FLRT1: variants seen among roughly 807,000 people sequenced by gnomAD.
FLRT1 encodes leucine-rich repeat transmembrane protein FLRT1.
In FLRT1, 14 loss-of-function variants were observed where a neutral mutation model predicts 30.9. The observed-to-expected ratio is 0.45, with a 90% CI of 0.30 to 0.71. FLRT1 has a LOEUF of 0.71. Among genes scored for constraint, FLRT1 ranks in the 30% least tolerant of loss-of-function variants. FLRT1 has a pLI of 0.08. For missense variants in FLRT1, 737 were observed against 949.2 expected, an observed-to-expected ratio of 0.78 and a Z score of 2.94; for synonymous variants, 368 against 430.4, an observed-to-expected ratio of 0.85 and a Z score of 1.80.
intron 1 of FLRT1, among the ~76,000 whole-genome samples, chr11:64,075,609 T>C (rs904118447): frequency 2.0e-5 from 3 of 152,194 alleles, no homozygotes; most frequent in African/African-American, 2.4e-5. Context: ...CATCCTGATA[T>C]GGAGTGACAA....
intron 1 of FLRT1, among the ~76,000 whole-genome samples, chr11:64,097,223 G>A (rs981663969): frequency 3.3e-5 from 5 of 152,230 alleles, no homozygotes; most frequent in African/African-American, 1.2e-4. Context: ...AAAGTACAGG[G>A]AGGGACTGCT....
chr11:64,059,192 C>T, intron 1 of FLRT1, among the ~76,000 whole-genome samples: 1 of 152,150 alleles, frequency 6.6e-6, no homozygotes, highest in East Asian at 1.9e-4. Context: ...GTAGGAGGGG[C>T]AGCCTGTCTA....
intron 1 of FLRT1, among the ~76,000 whole-genome samples, chr11:64,069,939 G>A (rs1481466903): frequency 6.6e-6 from 1 of 152,068 alleles, no homozygotes; most frequent in Non-Finnish European, 1.5e-5. Context: ...CCCTGAGCCC[G>A]ACTCGCGCCC....
intron 1 of FLRT1, among the ~76,000 whole-genome samples, chr11:64,075,904 C>T (rs1590873197): frequency 6.6e-6 from 1 of 152,234 alleles, no homozygotes; most frequent in African/African-American, 2.4e-5. Flanking sequence ...AAACTCCTGA[C>T]CTCAAGTGAT....
chr11:64,069,277 G>A (rs2096734), intron 1 of FLRT1, among the ~76,000 whole-genome samples: 4,073 of 152,326 alleles, frequency 0.027, 129 homozygotes, highest in Admixed American at 0.082. Context: ...GCTCTGAACC[G>A]CAGGGGAAGG....
chr11:64,111,919 C>T (rs1944870211), intron 2 of FLRT1, among the ~76,000 whole-genome samples: 1 of 152,146 alleles, frequency 6.6e-6, no homozygotes, highest in Non-Finnish European at 1.5e-5. Context: ...TCTGAGAATG[C>T]TCAGCCTGGG....
intron 2 of FLRT1, among the ~76,000 whole-genome samples, chr11:64,113,125 A>G (rs901930969): frequency 6.6e-6 from 1 of 152,214 alleles, no homozygotes; most frequent in African/African-American, 2.4e-5. Flanking sequence ...CTGGTTCTCA[A>G]GTAGTCTTGA....
chr11:64,113,387 C>G (rs1306730011), intron 2 of FLRT1, among the ~76,000 whole-genome samples: 4 of 148,382 alleles, frequency 2.7e-5, no homozygotes, highest in Admixed American at 1.3e-4. Context: ...GATGGATGGA[C>G]AGGTGCATGT....
At chr11:64,111,495 G>A (rs1003235727) in intron 2 of FLRT1, among the ~76,000 whole-genome samples, 1 of 152,232 alleles carries the variant, frequency 6.6e-6, no homozygotes, top group Non-Finnish European at 1.5e-5. Context: ...ACCTTCACGA[G>A]CCTGGCTCAG....
At chr11:64,101,561 C>A (rs868216676) in intron 1 of FLRT1, among the ~76,000 whole-genome samples, 2 of 152,156 alleles carry the variant, frequency 1.3e-5, no homozygotes, top group African/African-American at 2.4e-5. Flanking sequence ...ACAATTTCTG[C>A]GCCCCGGCCA....
intron 1 of FLRT1, among the ~76,000 whole-genome samples, chr11:64,088,496 C>T (rs1385942943): frequency 6.6e-6 from 1 of 152,164 alleles, no homozygotes; most frequent in Non-Finnish European, 1.5e-5. Flanking sequence ...GCCTAGCCTC[C>T]CCTTCCTCAC....
At position 64,064,975 on chromosome 11, in the gene FLRT1, A is replaced by G. The variant is rs1028427256; in HGVS notation, c.-1038+28816A>G. On this transcript the variant is annotated intron_variant, in intron 1 of 2. Coordinates refer to ENST00000682287, the MANE Select transcript of FLRT1 (RefSeq NM_013280.5). This position sits in a 1 kb window ranked among gnomAD's most constrained non-coding sequence, Gnocchi z 4.5. ...AGACAGACTCAGGGTCTTTCCCTAC[A>G]CTCCAGAGCACAGGCTAGTTGGAAC... Among the ~76,000 whole-genome samples, 3 of 152,064 alleles carry G rather than the reference A, an allele frequency of 2.0e-5. No individual in the cohort carries two copies. Among genetic ancestry groups the G allele is most frequent in the Admixed American group, 1.3e-4 (2 of 15,270 alleles).
Position 64,117,009 on chromosome 11 carries a change from C to T in FLRT1, c.742C>T (p.Gln248Ter). The T allele has an allele frequency of 1.2e-6, 2 of 1,612,576 alleles. No individual in the cohort carries two copies. The highest frequency in any genetic ancestry group is 1.7e-6 in the Non-Finnish European group (2 of 1,179,690). ...RIADDTFSRL[Q>*]NLTELSLVRN... ...CGCCGACGACACCTTCAGCCGCCTA[C>T]AGAACCTCACAGAGCTCTCGCTGGT... is the stretch of plus-strand genomic sequence containing the variant. The change falls in exon 3 of 3, where the codon CAG becomes TAG. Residue 248 changes from glutamine to a stop codon, truncating the protein, a stop_gained. Coordinates refer to ENST00000682287, the MANE Select transcript of FLRT1 (RefSeq NM_013280.5). LOFTEE classifies it high-confidence loss of function.
At chr11:64,037,851 C>T (rs796924513) in intron 1 of FLRT1, among the ~76,000 whole-genome samples, 9 of 152,344 alleles carry the variant, frequency 5.9e-5, no homozygotes, top group African/African-American at 2.2e-4. Context: ...CCCTGTGCCT[C>T]AGTTTCCCTT....
At chr11:64,098,931 TGAAACAG>T (rs1364793726) in intron 1 of FLRT1, among the ~76,000 whole-genome samples, 1 of 152,150 alleles carries the variant, frequency 6.6e-6, no homozygotes, top group East Asian at 1.9e-4. Context: ...AAGGTTGAAA[TGAAACAG>T]GAGGGCTAAT....
chr11:64,113,133 T>G (rs575199604), intron 2 of FLRT1, among the ~76,000 whole-genome samples: 22 of 152,332 alleles, frequency 1.4e-4, no homozygotes, highest in Non-Finnish European at 2.6e-4. Context: ...CAAGTAGTCT[T>G]GAGTAAGCTA....
intron 1 of FLRT1, among the ~76,000 whole-genome samples, chr11:64,092,976 C>T (rs1429257044): frequency 6.6e-6 from 1 of 152,224 alleles, no homozygotes; most frequent in African/African-American, 2.4e-5. Context: ...GTTCGGCTTG[C>T]AGCCTCCAGC....
In FLRT1 at chr11:64,117,097, T is replaced by C. The variant is rs1455824859; in HGVS notation, c.830T>C (p.Leu277Pro). ...LPSAHLQKLY[L>P]QDNAISHIPY... ...AGCGCCCACCTGCAGAAGCTCTACC[T>C]GCAGGACAATGCCATCAGCCACATC... is the stretch of plus-strand genomic sequence containing the variant. The change falls in exon 3 of 3, where the codon CTG becomes CCG. Residue 277 changes from leucine (L) to proline (P), a missense_variant. By Grantham distance (98) the Leu-to-Pro change is moderately conservative (BLOSUM62 -3). Transcript: ENST00000682287. 1.2e-6 allele frequency: 2 copies of C among 1,605,164 alleles called. No individual in the cohort carries two copies. The highest frequency in any genetic ancestry group is 1.3e-5 in the African/African-American group (1 of 74,718).
intron 2 of FLRT1, among the ~76,000 whole-genome samples, chr11:64,109,298 G>A (rs1446337114): frequency 1.3e-5 from 2 of 152,282 alleles, no homozygotes; most frequent in East Asian, 1.9e-4. Flanking sequence ...AAGCCACCAC[G>A]AGGGGTGGGG....
Sources: allele counts gnomAD v4.1 joint callset (sites outside exome capture counted in the v4.1 genomes callset), GRCh38; gene constraint gnomAD v4.1.1; non-coding constraint Gnocchi (gnomAD v3.1); transcripts MANE v1.5; gene names NCBI Gene and HGNC (gene_info 2026-07-23, HGNC 2026-07-21).